The following UNC80 variants were observed in gnomAD, a reference collection of about 807,000 sequenced individuals.
UNC80 encodes the protein protein unc-80 homolog.
In UNC80, 164 loss-of-function variants were observed where a neutral mutation model predicts 384.6. The ratio of observed to expected loss-of-function variants is 0.43; its 90% CI spans 0.38 to 0.49. UNC80 has a LOEUF of 0.49. UNC80 is among the 20% of genes least tolerant of loss of function. The pLI, the probability that UNC80 is intolerant of heterozygous loss-of-function variation, is 0.00. For synonymous variants in UNC80, 1,486 were observed against 1,527.8 expected (o/e 0.97, Z 0.64); for missense variants, 3,330 against 4,143.0 (o/e 0.80, Z 5.39).
At chr2:209,987,654 A>T (rs2093316135) in intron 61 of UNC80, among the ~76,000 whole-genome samples, 1 of 152,238 alleles carries the variant, frequency 6.6e-6, no homozygotes, top group Non-Finnish European at 1.5e-5. Flanking sequence ...GAAAGGCAGA[A>T]ATTGACAGTC....
At chr2:209,896,253 C>T (rs73003387) in intron 27 of UNC80, 60 bp from the exon 28 acceptor site, 27,430 of 1,449,874 alleles carry the variant, frequency 0.019, 307 homozygotes, top group Non-Finnish European at 0.023. Flanking sequence ...CTGTACCATA[C>T]CAACATGCTC....
intron 2 of UNC80, 89 bp downstream of exon 2, chr2:209,773,231 T>G (rs878934441): frequency 8.9e-7 from 1 of 1,119,410 alleles, no homozygotes; most frequent in Admixed American, 2.1e-5. Flanking sequence ...ACGGACTATA[T>G]ATATTAATTC....
At chr2:209,784,715 A>G (rs1019657230) in intron 4 of UNC80, among the ~76,000 whole-genome samples, 1 of 152,196 alleles carries the variant, frequency 6.6e-6, no homozygotes, top group Admixed American at 6.5e-5. Context: ...TGCACTACGA[A>G]CAGAGATTTT....
At position 209,938,656 on chromosome 2, in the gene UNC80, A is replaced by G. The variant is rs146375731; in HGVS notation, c.6466-816A>G. ...AAGATAATTGAAACCCTAATCAATA[A>G]TGGTGCTTGCCTAGTCTCTGTCTCT... On this transcript the variant is annotated intron_variant, in intron 42 of 64. Coordinates refer to ENST00000673920, the MANE Select transcript of UNC80 (RefSeq NM_001371986.1). Among the ~76,000 whole-genome samples the G allele has an allele frequency of 4.3e-3, 643 of 149,082 alleles. 7 individuals carry two copies. The highest frequency in any genetic ancestry group is 0.015 in the African/African-American group (594 of 40,468).
In UNC80 at chr2:209,997,748, G is replaced by A. The variant is rs1340597140; in HGVS notation, c.*2153G>A. On this transcript the variant is annotated 3_prime_UTR_variant, in exon 65 of 65. Transcript: ENST00000673920. ...ACTCTGAGAAACAGGGCCTTATAGA[G>A]TAGGAATGTTTTCATACTGGGACTA... 1 of 152,148 alleles carries A rather than the reference G, an allele frequency of 6.6e-6. No individual in the cohort carries two copies. 9.4% of individuals were successfully genotyped at this position (152,148 alleles called of 1,614,324 possible).
At chr2:209,772,188 G>A in intron 1 of UNC80, 24 bp downstream of exon 1, 1 of 1,519,906 alleles carries the variant, frequency 6.6e-7, no homozygotes, top group Non-Finnish European at 8.9e-7. Flanking sequence ...AGGGCGCACC[G>A]CGGGCCGCCC....
chr2:209,879,771 T>C (rs2085115414), intron 24 of UNC80, among the ~76,000 whole-genome samples: 1 of 152,140 alleles, frequency 6.6e-6, no homozygotes, highest in Admixed American at 6.5e-5. Context: ...CAAGCAACTT[T>C]CGGGCTGGAA....
chr2:209,931,967 C>T (rs928044975), intron 38 of UNC80, among the ~76,000 whole-genome samples: 2 of 152,200 alleles, frequency 1.3e-5, no homozygotes, highest in Admixed American at 1.3e-4. Flanking sequence ...GCTTTTGTCT[C>T]TATAGCTATG....
At chr2:209,849,427 T>A (rs975769883) in intron 21 of UNC80, 24 bp from the exon 22 acceptor site, 2 of 1,550,222 alleles carry the variant, frequency 1.3e-6, no homozygotes, top group Non-Finnish European at 1.7e-6. Context: ...CTTTCATTCC[T>A]CCACCATGGC....
At chr2:209,782,836 G>A (rs915486495) in intron 4 of UNC80, among the ~76,000 whole-genome samples, 7 of 151,234 alleles carry the variant, frequency 4.6e-5, no homozygotes, top group Admixed American at 3.3e-4. Context: ...GAAAAATGAC[G>A]AATATTTGTT....
chr2:209,829,313 T>C lies in UNC80; in HGVS notation c.2560T>C (p.Ser854Pro). The change falls in exon 15 of 65, where the codon TCT (serine) becomes CCT (proline). Residue 854 changes from serine to proline, a missense_variant. Physicochemically the swap from Ser to Pro is moderately conservative, Grantham distance 74. Transcript: ENST00000673920. ...QTMRDYVNKDSLNNVVDFLHA... is the reference protein window; with the variant it reads ...QTMRDYVNKDPLNNVVDFLHA... ...CATGAGGGACTATGTGAACAAGGAC[T>C]CTCTCAATAATGTAGTGGACTTCTT... 6.4e-7 allele frequency: 1 copy of C among 1,551,454 alleles called. No individual in the cohort carries two copies. The highest frequency in any genetic ancestry group is 2.4e-5 in the East Asian group (1 of 40,918).
chr2:209,992,245 C>G lies in UNC80; in HGVS notation c.9394C>G (p.Gln3132Glu). 6.4e-7 allele frequency: 1 copy of G among 1,551,382 alleles called. No individual in the cohort carries two copies. ...GCTGGGGAGGAAGAGGGGCCTGAGG[C>G]AGGTAAGTAGACCCTTAAAGCGCAA... ...QPLGRKRGLRQLRRPLLSRQK... is the reference protein window; with the variant it reads ...QPLGRKRGLRELRRPLLSRQK... Residue 3132 changes from glutamine to glutamate, a missense_variant and splice_region_variant, in exon 62 of 65, where the codon CAG becomes GAG. This residue lies in a region of UNC80 where 236 missense variants were observed against 254.9 expected (regional missense o/e 0.93). Transcript: ENST00000673920.
intron 26 of UNC80, among the ~76,000 whole-genome samples, chr2:209,893,752 C>A (rs1412833007): frequency 6.6e-6 from 1 of 152,064 alleles, no homozygotes; most frequent in Non-Finnish European, 1.5e-5. Flanking sequence ...ATGAGGTATT[C>A]CAAAATGAAG....
chr2:209,869,600 T>C (rs1366753333), intron 22 of UNC80, among the ~76,000 whole-genome samples: 1 of 152,156 alleles, frequency 6.6e-6, no homozygotes, highest in East Asian at 1.9e-4. Flanking sequence ...AAGCCTGCCA[T>C]CATCCACCAG....
At chr2:209,943,018 A>G (rs1245262525) in intron 44 of UNC80, among the ~76,000 whole-genome samples, 1 of 152,192 alleles carries the variant, frequency 6.6e-6, no homozygotes, top group African/African-American at 2.4e-5. Flanking sequence ...TGATTTGTAT[A>G]TACCATAATT....
intron 51 of UNC80, 89 bp from the exon 52 acceptor site, chr2:209,967,348 G>A (rs2092767502): frequency 4.2e-6 from 4 of 946,800 alleles, no homozygotes; most frequent in Non-Finnish European, 5.8e-6. Flanking sequence ...TCTGGAAGGG[G>A]TGATTAACAT....
chr2:209,876,323 A>G (rs1401027840), intron 23 of UNC80, among the ~76,000 whole-genome samples: 1 of 152,232 alleles, frequency 6.6e-6, no homozygotes, highest in Non-Finnish European at 1.5e-5. Context: ...CTAGTGTACT[A>G]TAACAACTTA....
At chr2:209,836,182 T>A (rs2081325462) in intron 18 of UNC80, among the ~76,000 whole-genome samples, 1 of 152,212 alleles carries the variant, frequency 6.6e-6, no homozygotes, top group South Asian at 2.1e-4. Flanking sequence ...TTCTTAAAAT[T>A]CAGTTTTAGT....
intron 7 of UNC80, chr2:209,808,726 T>G: frequency 1.2e-5 from 1 of 84,588 alleles, no homozygotes; most frequent in Non-Finnish European, 2.2e-5. Flanking sequence ...CTGCACTCAT[T>G]GCTCCAAGGC....
Sources: gnomAD v4.1 joint callset for allele counts (sites outside exome capture counted in the v4.1 genomes callset) on GRCh38, gnomAD v4.1.1 for gene constraint, gnomAD v4.1.1 regional missense constraint, MANE v1.5 for transcripts, NCBI Gene and HGNC (gene_info 2026-07-23, HGNC 2026-07-21) for gene names.